Variants in GSK3B observed in about 807,000 individuals in gnomAD.
GSK3B encodes glycogen synthase kinase-3 beta.
Under a neutral mutation model 56.4 loss-of-function variants are expected in GSK3B, and 15 were observed. That is an observed-to-expected ratio of 0.27 (90% CI 0.18 to 0.41). GSK3B has a LOEUF of 0.41. Ranked by LOEUF, GSK3B falls within the 10% of genes least tolerant of loss-of-function variation. The pLI, the probability that GSK3B is intolerant of heterozygous loss-of-function variation, is 1.00. For missense variants in GSK3B, 300 were observed against 513.4 expected (o/e 0.58, Z 4.02); for synonymous variants, 181 against 188.9 (o/e 0.96, Z 0.34).
At chr3:119,877,451 G>A (rs1418808098) in intron 7 of GSK3B, among the ~76,000 whole-genome samples, 2 of 152,014 alleles carry the variant, frequency 1.3e-5, no homozygotes, top group African/African-American at 2.4e-5. Context: ...TTGTTTTTAA[G>A]TTGTATATTA....
chr3:120,024,275 A>G (rs1903765), intron 1 of GSK3B, among the ~76,000 whole-genome samples: 80,348 of 151,990 alleles, frequency 0.53, 24,686 homozygotes, highest in African/African-American at 0.86. Flanking sequence ...GGTCAAGGCC[A>G]CAGTGAGCCA....
At chr3:119,861,469 C>T (rs536708847) in intron 9 of GSK3B, among the ~76,000 whole-genome samples, 1 of 151,504 alleles carries the variant, frequency 6.6e-6, no homozygotes, top group Non-Finnish European at 1.5e-5. Context: ...CGGTATCATG[C>T]CACTGCACTC....
Position 120,094,441 on chromosome 3 carries a change from T to TC in GSK3B, c.-1008dup. The TC allele has an allele frequency of 3.7e-6, 1 of 273,246 alleles. No homozygotes were observed. Among genetic ancestry groups the TC allele is most frequent in the Non-Finnish European group, 6.9e-6 (1 of 144,406 alleles). 16.9% of individuals were successfully genotyped at this position (273,246 alleles called of 1,614,324 possible). A position where few individuals can be genotyped will look rare whatever the true frequency, so the allele number is the denominator to read the frequency against. Reference sequence around the variant, plus strand: ...CGCATTCGCCCGGGTCAGGAGCTGCTCTGTGTGAGGAGCGCTGTCTGCGCA... The same window carrying TC: ...CGCATTCGCCCGGGTCAGGAGCTGCTCCTGTGTGAGGAGCGCTGTCTGCGCA... On this transcript the variant is annotated 5_prime_UTR_variant, in exon 1 of 11. Transcript: ENST00000264235.
intron 7 of GSK3B, among the ~76,000 whole-genome samples, chr3:119,887,325 A>G (rs2056447088): frequency 6.6e-6 from 1 of 152,144 alleles, no homozygotes; most frequent in South Asian, 2.1e-4. Flanking sequence ...TTAAAGAAGT[A>G]GGAAAATATA....
intron 5 of GSK3B, among the ~76,000 whole-genome samples, chr3:119,915,365 A>G (rs1312934222): frequency 6.6e-6 from 1 of 152,126 alleles, no homozygotes; most frequent in Non-Finnish European, 1.5e-5. Flanking sequence ...TTTAGTTCTT[A>G]CTGAAAAAGG....
intron 8 of GSK3B, among the ~76,000 whole-genome samples, chr3:119,872,662 G>C (rs1238129742): frequency 6.6e-6 from 1 of 152,148 alleles, no homozygotes. Context: ...AGTGGAGACA[G>C]AGAAGACAAA....
chr3:119,836,444 G>A (rs1017197842), intron 10 of GSK3B, among the ~76,000 whole-genome samples: 2 of 151,844 alleles, frequency 1.3e-5, no homozygotes, highest in African/African-American at 4.8e-5. Context: ...GGAAGGTGAG[G>A]GCAATCAAAA....
chr3:119,938,074 A>G (rs1017055983), intron 3 of GSK3B, among the ~76,000 whole-genome samples: 1 of 152,138 alleles, frequency 6.6e-6, no homozygotes, highest in Non-Finnish European at 1.5e-5. Flanking sequence ...ACTCAAAATG[A>G]AACAGACGAT....
chr3:120,029,619 A>G, intron 1 of GSK3B: 1 of 563,478 alleles, frequency 1.8e-6, no homozygotes, highest in Non-Finnish European at 3.4e-6. Context: ...GAGGCTTGCC[A>G]TTATTTCCCT....
rs376608259 is a variant in GSK3B, at chr3:119,920,250, AT to A, written c.477+3122del. ...TCATCACACAGAGAGGAATTATTCA[AT>A]TTTTTTGAGATGAAGTCTTGCTCTG... On this transcript the variant is annotated intron_variant, in intron 4 of 10. Transcript: ENST00000264235. 7.2e-5 allele frequency among the ~76,000 whole-genome samples: 11 copies of A among 152,138 alleles called. No individual in the cohort carries two copies. In the East Asian group the frequency reaches 1.7e-3, roughly 24 times the overall value.
At chr3:120,020,291 TTAATA>T (rs1263896488) in intron 1 of GSK3B, among the ~76,000 whole-genome samples, 8 of 152,236 alleles carry the variant, frequency 5.3e-5, no homozygotes, top group Non-Finnish European at 1.0e-4. Flanking sequence ...CTGTTTATAG[TTAATA>T]TAATAAGGAA....
At chr3:119,887,882 C>G (rs571599726) in intron 7 of GSK3B, among the ~76,000 whole-genome samples, 1 of 151,970 alleles carries the variant, frequency 6.6e-6, no homozygotes, top group Admixed American at 6.6e-5. Flanking sequence ...AGGGTATATA[C>G]AGGGTATCAA....
chr3:120,066,869 T>C (rs1438312395), intron 1 of GSK3B, among the ~76,000 whole-genome samples: 1 of 152,206 alleles, frequency 6.6e-6, no homozygotes, highest in Non-Finnish European at 1.5e-5. Flanking sequence ...CAGTGGATCG[T>C]ATTTGGCCTA....
chr3:120,089,824 T>A (rs993317427), intron 1 of GSK3B, among the ~76,000 whole-genome samples: 1 of 152,196 alleles, frequency 6.6e-6, no homozygotes, highest in Non-Finnish European at 1.5e-5. Context: ...AAACATTTAT[T>A]TAATTACATG....
At chr3:119,941,979 A>G (rs2057053928) in intron 3 of GSK3B, among the ~76,000 whole-genome samples, 1 of 152,218 alleles carries the variant, frequency 6.6e-6, no homozygotes, top group South Asian at 2.1e-4. Flanking sequence ...GTGGTAGACC[A>G]GCAAAATTAA....
At chr3:120,086,253 T>C (rs2107582609) in intron 1 of GSK3B, among the ~76,000 whole-genome samples, 1 of 151,148 alleles carries the variant, frequency 6.6e-6, no homozygotes. Context: ...AAAACTCTGC[T>C]GCTGAGTTAA....
intron 2 of GSK3B, among the ~76,000 whole-genome samples, chr3:119,993,616 G>C (rs552067724): frequency 1.4e-4 from 21 of 152,288 alleles, no homozygotes; most frequent in Middle Eastern, 3.4e-3. Flanking sequence ...TTCTAGGATT[G>C]AGCAAATAAG....
At chr3:119,852,282 G>A (rs143574859) in intron 9 of GSK3B, among the ~76,000 whole-genome samples, 93 of 152,058 alleles carry the variant, frequency 6.1e-4, no homozygotes, top group African/African-American at 2.1e-3. Flanking sequence ...GTTTTTAGAA[G>A]TTATCTAGCA....
At chr3:119,935,769 T>C (rs919540553) in intron 3 of GSK3B, among the ~76,000 whole-genome samples, 3 of 152,112 alleles carry the variant, frequency 2.0e-5, no homozygotes, top group African/African-American at 7.2e-5. Flanking sequence ...TACCCAATAC[T>C]AAAACCAAAG....
Sources: gnomAD v4.1 joint callset for allele counts (sites outside exome capture counted in the v4.1 genomes callset) on GRCh38, gnomAD v4.1.1 for gene constraint, MANE v1.5 for transcripts, NCBI Gene and HGNC (gene_info 2026-07-23, HGNC 2026-07-21) for gene names.